Variants in KLF8 observed in about 807,000 individuals in gnomAD.
The protein encoded by KLF8 is KLF transcription factor 8.
Under a neutral mutation model 18.2 loss-of-function variants are expected in KLF8, and 10 were observed. The ratio of observed to expected loss-of-function variants is 0.55; its 90% CI spans 0.34 to 0.93. The LOEUF (loss-of-function observed/expected upper bound fraction) is 0.93, where lower values mean the gene tolerates loss of function less well. Among genes scored for constraint, KLF8 ranks in the 40% least tolerant of loss-of-function variants. The probability of loss-of-function intolerance (pLI) is 0.02; values close to 1 mark genes in which losing one functional copy is unlikely to be tolerated. For synonymous variants in KLF8, 109 were observed against 97.3 expected (o/e 1.12, Z -0.71); for missense variants, 264 against 277.9 (o/e 0.95, Z 0.36).
the KLF8 span, among the ~76,000 whole-genome samples, chrX:55,931,594 G>T: frequency 2.7e-5 from 3 of 111,669 alleles, no homozygotes; most frequent in African/African-American, 9.8e-5. Context: ...TAGTTTCAGA[G>T]AATTTATTTA....
At chrX:56,026,377 G>A in the KLF8 span, among the ~76,000 whole-genome samples, 1 of 111,819 alleles carries the variant, frequency 8.9e-6, no homozygotes. Flanking sequence ...TGTAGCTGTC[G>A]CTGCAATTCA....
the KLF8 span, among the ~76,000 whole-genome samples, chrX:56,117,377 GC>G: frequency 1.8e-5 from 2 of 111,585 alleles, no homozygotes; most frequent in African/African-American, 6.5e-5. Flanking sequence ...AGATGCAAGT[GC>G]CTTAGACAAA....
At chrX:56,045,392 G>A in the KLF8 span, among the ~76,000 whole-genome samples, 180 of 110,254 alleles carry the variant, frequency 1.6e-3, 1 homozygote, top group African/African-American at 5.5e-3. Flanking sequence ...TTTTTTTTTC[G>A]TTCTGTATGA....
At chrX:56,167,963 A>G in the KLF8 span, among the ~76,000 whole-genome samples, 1 of 111,957 alleles carries the variant, frequency 8.9e-6, no homozygotes, top group East Asian at 2.8e-4. Context: ...CATAGCAAAT[A>G]CCACAGTATA....
chrX:56,091,976 ATTG>A, the KLF8 span, among the ~76,000 whole-genome samples: 1 of 82,383 alleles, frequency 1.2e-5, no homozygotes, highest in South Asian at 5.1e-4. Flanking sequence ...ACCAACATCT[ATTG>A]TTTTTTTTTT....
chrX:56,087,074 T>C, the KLF8 span, among the ~76,000 whole-genome samples: 2 of 111,151 alleles, frequency 1.8e-5, no homozygotes, highest in African/African-American at 6.5e-5. Context: ...GAGGTGAGAA[T>C]TAAGTAGAGG....
At chrX:56,130,366 G>A in the KLF8 span, among the ~76,000 whole-genome samples, 58,695 of 110,851 alleles carry the variant, frequency 0.53, 13,621 homozygotes, top group Non-Finnish European at 0.73. Flanking sequence ...CCAGAACCTG[G>A]TAGCCCTGCT....
chrX:56,288,723 C>T lies in KLF8; in HGVS notation c.*4229C>T, dbSNP rs2067294129. ...TACTGGCACAAACACGAAGTGAGCACATGCTGTTGGAAAAATGGTGCCAAT... is the reference window on the plus strand; with the variant it reads ...TACTGGCACAAACACGAAGTGAGCATATGCTGTTGGAAAAATGGTGCCAAT... On this transcript the variant is annotated 3_prime_UTR_variant, in exon 6 of 6. Coordinates refer to ENST00000468660, the MANE Select transcript of KLF8 (RefSeq NM_007250.5). 1.8e-5 allele frequency among the ~76,000 whole-genome samples: 2 copies of T among 112,744 alleles called. No homozygotes were observed. The highest frequency in any genetic ancestry group is 7.2e-4 in the South Asian group (2 of 2,776).
chrX:56,079,128 G>A, the KLF8 span, among the ~76,000 whole-genome samples: 1 of 110,669 alleles, frequency 9.0e-6, no homozygotes, highest in Non-Finnish European at 1.9e-5. Flanking sequence ...AGGGTTTTTT[G>A]TGTCTCTATT....
the KLF8 span, among the ~76,000 whole-genome samples, chrX:56,129,374 G>T: frequency 8.9e-6 from 1 of 111,966 alleles, no homozygotes; most frequent in Non-Finnish European, 1.9e-5. Context: ...TGGGAAAGGG[G>T]GATTGTCCAC....
At chrX:56,122,906 C>T in the KLF8 span, among the ~76,000 whole-genome samples, 7 of 110,734 alleles carry the variant, frequency 6.3e-5, no homozygotes, top group East Asian at 1.7e-3. Context: ...GGTTTTAAGA[C>T]CTCTGATTTG....
At chrX:55,986,031 C>A in the KLF8 span, among the ~76,000 whole-genome samples, 5 of 111,582 alleles carry the variant, frequency 4.5e-5, no homozygotes, top group South Asian at 1.9e-3. Context: ...GATTAAGAAG[C>A]TTTTGGGCTG....
the KLF8 span, among the ~76,000 whole-genome samples, chrX:56,156,056 T>TG: frequency 8.9e-6 from 1 of 112,152 alleles, no homozygotes; most frequent in East Asian, 2.8e-4. Context: ...AATCTACCAT[T>TG]GATGGGCACC....
chrX:55,997,869 G>T, the KLF8 span, among the ~76,000 whole-genome samples: 4 of 110,742 alleles, frequency 3.6e-5, no homozygotes, highest in Non-Finnish European at 7.5e-5. Flanking sequence ...TATAGAGAAA[G>T]AAATAAGGGG....
At chrX:55,946,427 A>G in the KLF8 span, among the ~76,000 whole-genome samples, 4 of 111,937 alleles carry the variant, frequency 3.6e-5, no homozygotes, top group Non-Finnish European at 7.5e-5. Context: ...AAAACTGGCT[A>G]GCCATATGTG....
chrX:56,098,449 A>G, the KLF8 span, among the ~76,000 whole-genome samples: 1 of 111,955 alleles, frequency 8.9e-6, no homozygotes, highest in Non-Finnish European at 1.9e-5. Flanking sequence ...AATTAATGTG[A>G]TACACCATGT....
At chrX:56,220,836 G>T in the KLF8 span, among the ~76,000 whole-genome samples, 1 of 112,372 alleles carries the variant, frequency 8.9e-6, no homozygotes, top group African/African-American at 3.2e-5. Context: ...TTCTTTGAGA[G>T]GCACTTCTTT....
rs563123018 is a variant in KLF8 at position 56,278,337 on chromosome X, G to A, written c.899-5976G>A. Among the ~76,000 whole-genome samples, 52 of 110,658 alleles carry A rather than the reference G, an allele frequency of 4.7e-4. No homozygotes were observed. In the South Asian group the frequency reaches 0.019, roughly 41 times the overall value. ...ACCTAAGTTTTGCTACTGGTTATTCGGGGACCAAGGGCTCTTTAGTCAGTA... is the reference window on the plus strand; with the variant it reads ...ACCTAAGTTTTGCTACTGGTTATTCAGGGACCAAGGGCTCTTTAGTCAGTA... On this transcript the variant is annotated intron_variant, in intron 5 of 5. Coordinates refer to ENST00000468660, the MANE Select transcript of KLF8 (RefSeq NM_007250.5).
the KLF8 span, among the ~76,000 whole-genome samples, chrX:56,148,780 T>A: frequency 3.6e-5 from 4 of 111,606 alleles, no homozygotes; most frequent in Admixed American, 3.8e-4. Flanking sequence ...ACTTATTCAC[T>A]ACCAGGAGAA....
Sources: gnomAD v4.1 joint callset for allele counts (sites outside exome capture counted in the v4.1 genomes callset) on GRCh38, gnomAD v4.1.1 for gene constraint, MANE v1.5 for transcripts, NCBI Gene and HGNC (gene_info 2026-07-23, HGNC 2026-07-21) for gene names.